Variants in MAP4K3 observed in about 807,000 individuals in gnomAD.
The protein encoded by MAP4K3 is MAPK/ERK kinase kinase kinase 3.
In MAP4K3, 94 loss-of-function variants were observed where a neutral mutation model predicts 143.5. The ratio of observed to expected loss-of-function variants is 0.65; its 90% CI spans 0.55 to 0.78. The LOEUF is 0.78. MAP4K3 is among the 30% of genes least tolerant of loss of function. The pLI, the probability that MAP4K3 is intolerant of heterozygous loss-of-function variation, is 0.00. For missense variants in MAP4K3, 1,077 were observed against 1,068.1 expected (o/e 1.01, Z -0.12); for synonymous variants, 416 against 347.2 (o/e 1.20, Z -2.20).
intron 1 of MAP4K3, among the ~76,000 whole-genome samples, chr2:39,404,505 G>C (rs1248491552): frequency 6.6e-6 from 1 of 151,808 alleles, no homozygotes; most frequent in Non-Finnish European, 1.5e-5. Context: ...CTGTGGAAAG[G>C]GGAGGAAGGA....
chr2:39,254,395 T>C (rs1680266152), intron 32 of MAP4K3, 55 bp downstream of exon 32: 2 of 1,375,508 alleles, frequency 1.5e-6, no homozygotes, highest in Non-Finnish European at 2.1e-6. Context: ...ATCGAACTGT[T>C]TGAAGTGGAA....
chr2:39,420,274 T>C (rs780554215), intron 1 of MAP4K3, among the ~76,000 whole-genome samples: 9 of 152,242 alleles, frequency 5.9e-5, no homozygotes, highest in South Asian at 2.1e-4. Flanking sequence ...TAGTAACTTA[T>C]AATACTTAAA....
rs1680812650 is a variant in MAP4K3, at chr2:39,267,458, G to A, written c.1974-211C>T. The A allele has an allele frequency of 3.2e-5, 16 of 497,124 alleles. No individual in the cohort carries two copies. In the East Asian group the frequency reaches 5.6e-4, roughly 17 times the overall value. 30.8% of individuals were successfully genotyped at this position (497,124 alleles called of 1,614,324 possible). A position where few individuals can be genotyped will look rare whatever the true frequency, so the allele number is the denominator to read the frequency against. On this transcript the variant is annotated intron_variant, in intron 26 of 33. Transcript: ENST00000263881. ...GAGGCCGAGGTGGGCGGATCACAAG[G>A]TCAAGACTTCGAGACCAGCCTGGCC...
chr2:39,286,703 A>G, intron 21 of MAP4K3, 149 bp downstream of exon 21: 2 of 402,858 alleles, frequency 5.0e-6, no homozygotes, highest in Non-Finnish European at 4.3e-6. Flanking sequence ...TAAATAATCT[A>G]TTCACCATTA....
chr2:39,287,072 T>C, intron 20 of MAP4K3, 108 bp from the exon 21 acceptor site: 1 of 590,058 alleles, frequency 1.7e-6, no homozygotes. Flanking sequence ...AGTGTCATTA[T>C]TCATTTGGGA....
intron 15 of MAP4K3, among the ~76,000 whole-genome samples, chr2:39,306,066 G>C (rs1347246285): frequency 1.3e-5 from 2 of 152,176 alleles, no homozygotes; most frequent in Non-Finnish European, 2.9e-5. Context: ...CTGACCTCAT[G>C]ATCTGCCCGC....
In MAP4K3 at chr2:39,258,362, T is replaced by C; in HGVS notation, c.2456A>G (p.Gln819Arg). 2 of 1,601,868 alleles carry C rather than the reference T, an allele frequency of 1.2e-6. No homozygotes were observed. The highest frequency in any genetic ancestry group is 1.7e-6 in the Non-Finnish European group (2 of 1,172,702). The change falls in exon 31 of 34, where the codon CAG becomes CGG. Residue 819 changes from glutamine to arginine, a missense_variant. Gln to Arg is a conservative substitution (Grantham distance 43). Transcript: ENST00000263881. ...CTTTGACTTACCTATTGATTCAATC[T>C]GGAAATCAAAGGTGAGTTCTGATGA... is the stretch of plus-strand genomic sequence containing the variant. ...KLSSELTFDFQIESIVCLQDS... is the reference protein window; with the variant it reads ...KLSSELTFDFRIESIVCLQDS...
intron 12 of MAP4K3, among the ~76,000 whole-genome samples, chr2:39,319,575 A>G (rs748463654): frequency 6.6e-5 from 10 of 152,182 alleles, no homozygotes; most frequent in Non-Finnish European, 1.2e-4. Context: ...GTTTTTAAAG[A>G]AAGGTAACTG....
intron 1 of MAP4K3, among the ~76,000 whole-genome samples, chr2:39,387,803 TTTC>T (rs1211676416): frequency 6.6e-6 from 1 of 152,226 alleles, no homozygotes; most frequent in Non-Finnish European, 1.5e-5. Context: ...TAGCCTCTCT[TTTC>T]TTAAGTTAAC....
At chr2:39,299,614 G>A (rs1407843251) in intron 16 of MAP4K3, 129 bp downstream of exon 16, 5 of 443,510 alleles carry the variant, frequency 1.1e-5, no homozygotes, top group Non-Finnish European at 1.6e-5. Flanking sequence ...ATGGAAAAAG[G>A]TGAAATGCAT....
intron 24 of MAP4K3, among the ~76,000 whole-genome samples, chr2:39,276,114 C>G (rs1356098973): frequency 6.6e-6 from 1 of 152,070 alleles, no homozygotes; most frequent in African/African-American, 2.4e-5. Context: ...CTCAGGTGAC[C>G]ACCCACCTCG....
At chr2:39,346,448 A>C (rs1404031925) in intron 3 of MAP4K3, among the ~76,000 whole-genome samples, 4 of 152,132 alleles carry the variant, frequency 2.6e-5, no homozygotes, top group African/African-American at 9.7e-5. Context: ...GTTTTGATTC[A>C]TTTCCCTTTG....
chr2:39,331,048 TTGA>T (rs1356813684), intron 8 of MAP4K3, among the ~76,000 whole-genome samples: 1 of 152,080 alleles, frequency 6.6e-6, no homozygotes, highest in Non-Finnish European at 1.5e-5. Context: ...AAAATATATA[TTGA>T]TGAAAAGATA....
At chr2:39,288,795 C>G (rs1000368605) in intron 19 of MAP4K3, among the ~76,000 whole-genome samples, 1 of 152,146 alleles carries the variant, frequency 6.6e-6, no homozygotes, top group Admixed American at 6.5e-5. Context: ...GCTCACGCCT[C>G]TAATCCCAGC....
chr2:39,362,603 G>C (rs980856318), intron 2 of MAP4K3, among the ~76,000 whole-genome samples: 29 of 152,168 alleles, frequency 1.9e-4, no homozygotes, highest in African/African-American at 6.5e-4. Flanking sequence ...AAAGAGCATT[G>C]TTAAAATGTT....
chr2:39,259,926 A>G (rs1015494761), intron 29 of MAP4K3, among the ~76,000 whole-genome samples: 3 of 152,210 alleles, frequency 2.0e-5, no homozygotes, highest in African/African-American at 4.8e-5. Flanking sequence ...CCAAAATCAA[A>G]TAACAACCCA....
In MAP4K3 at chr2:39,267,679, C is replaced by CA. The variant is rs57082856; in HGVS notation, c.1974-433dup. Among the ~76,000 whole-genome samples, 1,160 of 130,534 alleles carry CA rather than the reference C, an allele frequency of 8.9e-3. 5 individuals are homozygous for CA. Among genetic ancestry groups the CA allele is most frequent in the African/African-American group, 0.019 (672 of 34,804 alleles). 85.6% of individuals were successfully genotyped at this position (130,534 alleles called of 152,430 possible). A position where few individuals can be genotyped will look rare whatever the true frequency, so the allele number is the denominator to read the frequency against. On this transcript the variant is annotated intron_variant, in intron 26 of 33. Coordinates refer to ENST00000263881, the MANE Select transcript of MAP4K3 (RefSeq NM_003618.4). ...CAACAGAAGAGCAAAACTCGGTCTC[C>CA]AAAAAAAAAAAAAAAAAAATTAAAT...
chr2:39,286,767 A>T, intron 21 of MAP4K3, 85 bp downstream of exon 21: 1 of 606,562 alleles, frequency 1.6e-6, no homozygotes, highest in Admixed American at 3.1e-5. Flanking sequence ...CTAGTGCTAT[A>T]GTGTCACTAA....
chr2:39,327,460 C>G (rs547941828), intron 8 of MAP4K3, among the ~76,000 whole-genome samples: 41 of 152,182 alleles, frequency 2.7e-4, no homozygotes, highest in Middle Eastern at 3.4e-3. Context: ...CTGATTTAAA[C>G]TATTAATTAT....
Sources: allele counts gnomAD v4.1 joint callset (sites outside exome capture counted in the v4.1 genomes callset), GRCh38; gene constraint gnomAD v4.1.1; transcripts MANE v1.5; gene names NCBI Gene and HGNC (gene_info 2026-07-23, HGNC 2026-07-21).